The following PRAMEF14 variants were observed in gnomAD, a reference collection of about 807,000 sequenced individuals.
PRAMEF14 encodes PRAME family member 14.
A neutral mutation model predicts 38.3 loss-of-function variants in PRAMEF14; 24 were observed. The observed-to-expected ratio is 0.63, with a 90% CI of 0.45 to 0.88. The LOEUF is 0.88. PRAMEF14 is among the 40% of genes least tolerant of loss of function. PRAMEF14 has a pLI of 0.00. For missense variants in PRAMEF14, 477 were observed against 570.8 expected (o/e 0.84, Z 1.67); for synonymous variants, 194 against 226.4 (o/e 0.86, Z 1.29).
At position 13,345,235 on chromosome 1, in the gene PRAMEF14, G is replaced by A. The variant is rs1214224666; in HGVS notation, c.80C>T (p.Ala27Val). Residue 27 changes from alanine (A) to valine (V), a missense_variant, in exon 2 of 4, where the codon GCC (alanine) becomes GTC (valine). Physicochemically the swap from Ala to Val is moderately conservative, Grantham distance 64. Around this residue, in one of 4 missense-constraint regions of PRAMEF14, gnomAD observed 58 missense variants for 119.9 expected, o/e 0.48. Transcript: ENST00000334600. ...GAGCACCCTGGGCAGCTCCTCCATG[G>A]CAGAGATGGACAAGGCCTGGTCTCT... ...LLRDQALSIS[A>V]MEELPRVLYL... 5.0e-5 allele frequency: 80 copies of A among 1,606,940 alleles called. No individual in the cohort carries two copies. The highest frequency in any genetic ancestry group is 6.3e-5 in the Non-Finnish European group (74 of 1,178,458).
chr1:13,342,580 G>T lies in PRAMEF14; in HGVS notation c.1373C>A (p.Pro458His). 1 of 1,604,778 alleles carries T rather than the reference G, an allele frequency of 6.2e-7. No individual in the cohort carries two copies. The highest frequency in any genetic ancestry group is 8.5e-7 in the Non-Finnish European group (1 of 1,177,534). ...CTCAGACGGTGATGAGCCACAGGAAGGGCAGGGGGTGGGACCAATGAAGAT... is the reference window on the plus strand; with the variant it reads ...CTCAGACGGTGATGAGCCACAGGAATGGCAGGGGGTGGGACCAATGAAGAT... ...KRIFIGPTPC[P>H]SCGSSPSEEL... Residue 458 changes from proline (P) to histidine (H), a missense_variant, in exon 4 of 4, where the codon CCT becomes CAT. By Grantham distance (77) the Pro-to-His change is moderately conservative. Transcript: ENST00000334600.
chr1:13,343,547 T>G (rs1640360228), intron 3 of PRAMEF14: 1 of 1,310,514 alleles, frequency 7.6e-7, no homozygotes. Context: ...AGCACACATT[T>G]CCCATGTCAG....
At position 13,342,375 on chromosome 1, in the gene PRAMEF14, G is replaced by C. The variant is rs1422409850; in HGVS notation, c.*153C>G. ...TCCCAGAGCAACACAGAGAAACCCT[G>C]TCTCAAATTGTCTTTAATAAAAATT... On this transcript the variant is annotated 3_prime_UTR_variant, in exon 4 of 4. Transcript: ENST00000334600. 1 of 1,284,068 alleles carries C rather than the reference G, an allele frequency of 7.8e-7. No individual in the cohort carries two copies. The highest frequency in any genetic ancestry group is 1.0e-6 in the Non-Finnish European group (1 of 958,028). 79.5% of individuals were successfully genotyped at this position (1,284,068 alleles called of 1,614,324 possible).
At chr1:13,344,692 A>G in intron 2 of PRAMEF14, 76 bp from the exon 3 acceptor site, 2 of 1,588,058 alleles carry the variant, frequency 1.3e-6, no homozygotes, top group Non-Finnish European at 1.7e-6. Context: ...CTCATCCCAT[A>G]AATCAGCTGC....
intron 2 of PRAMEF14, 69 bp downstream of exon 2, chr1:13,344,959 C>G: frequency 2.9e-6 from 4 of 1,393,560 alleles, no homozygotes; most frequent in Non-Finnish European, 4.0e-6. Context: ...GGCTACTTCT[C>G]TGCCTGACCC....
At position 13,342,523 on chromosome 1, in the gene PRAMEF14, C is replaced by T. The variant is rs1311265192; in HGVS notation, c.*5G>A. The T allele has an allele frequency of 6.2e-7, 1 of 1,604,834 alleles. No homozygotes were observed. On this transcript the variant is annotated 3_prime_UTR_variant, in exon 4 of 4. Coordinates refer to ENST00000334600, the MANE Select transcript of PRAMEF14 (RefSeq NM_001024661.2). ...GATTTCTCTACCCCGCTAGGCACGC[C>T]TTCCCTAGCAGCAAAGATGGAGCTC...
chr1:13,345,137 G>A lies in PRAMEF14; in HGVS notation c.178C>T (p.Pro60Ser). ...GATCCCAGAGGGAGGCAGGTGAAGG[G>A]CCAGGCCTGCACCATCACCGTCAGA... The part of the protein sequence containing the change: ...QTLTVMVQAW[P>S]FTCLPLGSLM... The change falls in exon 2 of 4, where the codon CCC becomes TCC. Residue 60 changes from proline to serine, a missense_variant. Pro to Ser is a moderately conservative substitution (Grantham distance 74, BLOSUM62 -1). Coordinates refer to ENST00000334600, the MANE Select transcript of PRAMEF14 (RefSeq NM_001024661.2). 1 of 1,599,896 alleles carries A rather than the reference G, an allele frequency of 6.3e-7. No homozygotes were observed. The highest frequency in any genetic ancestry group is 8.5e-7 in the Non-Finnish European group (1 of 1,173,138).
intron 3 of PRAMEF14, among the ~76,000 whole-genome samples, chr1:13,343,289 G>C (rs1640356032): frequency 6.8e-6 from 1 of 147,668 alleles, no homozygotes; most frequent in Admixed American, 6.7e-5. Flanking sequence ...AACATTGCTT[G>C]TGTGATTGGT....
In PRAMEF14 at chr1:13,344,030, T is replaced by A. The variant is rs1183206932; in HGVS notation, c.866+8A>T. Reference sequence around the variant, plus strand: ...GGTCTGCATATAAAGTGCATGATCCTTCCTCACCTGATCAGCTGTTCCAGG... The same window carrying A: ...GGTCTGCATATAAAGTGCATGATCCATCCTCACCTGATCAGCTGTTCCAGG... On this transcript the variant is annotated splice_region_variant and intron_variant, in intron 3 of 3. Coordinates refer to ENST00000334600, the MANE Select transcript of PRAMEF14 (RefSeq NM_001024661.2). 6 of 1,608,344 alleles carry A rather than the reference T, an allele frequency of 3.7e-6. No individual in the cohort carries two copies. Among genetic ancestry groups the A allele is most frequent in the Admixed American group, 1.7e-5 (1 of 59,852 alleles).
chr1:13,346,709 G>A (rs1473187282), intron 1 of PRAMEF14, among the ~76,000 whole-genome samples: 1 of 148,490 alleles, frequency 6.7e-6, no homozygotes, highest in Non-Finnish European at 1.5e-5. Context: ...GAAAATGAAA[G>A]CATACTTGGA....
chr1:13,342,659 G>C lies in PRAMEF14; in HGVS notation c.1294C>G (p.Leu432Val), dbSNP rs547328194. 3.7e-6 allele frequency: 6 copies of C among 1,605,204 alleles called. No individual in the cohort carries two copies. The highest frequency in any genetic ancestry group is 1.3e-5 in the African/African-American group (1 of 74,724). Residue 432 changes from leucine to valine, a missense_variant, in exon 4 of 4, where the codon CTA becomes GTA. Leu to Val is a conservative substitution (Grantham distance 32, BLOSUM62 1). Transcript: ENST00000334600. Reference protein sequence around the residue: ...LVRVDWEIFALLRAELMCTLR... With the variant: ...LVRVDWEIFAVLRAELMCTLR... Reference sequence around the variant, plus strand: ...GTACACATCAGCTCAGCCCGAAGTAGGGCGAAGATCTCCCAATCGACACGA... The same window carrying C: ...GTACACATCAGCTCAGCCCGAAGTACGGCGAAGATCTCCCAATCGACACGA...
At chr1:13,343,184 T>C in intron 3 of PRAMEF14, 98 bp from the exon 4 acceptor site, 1 of 681,242 alleles carries the variant, frequency 1.5e-6, no homozygotes. Flanking sequence ...AACACAAGTT[T>C]GTTCCCACCA....
In PRAMEF14 at chr1:13,344,184, G is replaced by A; in HGVS notation, c.720C>T (p.Ser240=). The A allele has an allele frequency of 4.4e-6, 7 of 1,607,850 alleles. No individual in the cohort carries two copies. The highest frequency in any genetic ancestry group is 5.9e-6 in the Non-Finnish European group (7 of 1,178,054). The change falls in exon 3 of 4, where the codon TCC becomes TCT. Residue 240 remains serine (S), a synonymous_variant. Coordinates refer to ENST00000334600, the MANE Select transcript of PRAMEF14 (RefSeq NM_001024661.2). ...EMKNLRKLVF[S]RCHHSMSDNE... is the part of the protein sequence containing the mutation. Reference sequence around the variant, plus strand: ...TATCTGACATGGAATGATGGCACCTGGAGAAAACGAGTTTGCGAAGATTCT... The same window carrying A: ...TATCTGACATGGAATGATGGCACCTAGAGAAAACGAGTTTGCGAAGATTCT...
rs2100349418 is a variant in PRAMEF14, at chr1:13,342,388, T to C, written c.*140A>G. The C allele has an allele frequency of 1.5e-6, 2 of 1,352,774 alleles. No homozygotes were observed. The highest frequency in any genetic ancestry group is 3.2e-5 in the South Asian group (2 of 62,104). 83.8% of individuals were successfully genotyped at this position (1,352,774 alleles called of 1,614,324 possible). ...CAGAGAAACCCTGTCTCAAATTGTC[T>C]TTAATAAAAATTTTGGAATTATTAA... On this transcript the variant is annotated 3_prime_UTR_variant, in exon 4 of 4. Coordinates refer to ENST00000334600, the MANE Select transcript of PRAMEF14 (RefSeq NM_001024661.2).
chr1:13,342,255 G>T lies in PRAMEF14; in HGVS notation c.*273C>A, dbSNP rs1209125394. The T allele has an allele frequency of 1.9e-6, 1 of 532,848 alleles. No individual in the cohort carries two copies. Among genetic ancestry groups the T allele is most frequent in the Non-Finnish European group, 3.2e-6 (1 of 316,582 alleles). The allele number at this position is 532,848 out of a possible 1,614,324, so 33.0% of individuals were successfully genotyped here. ...CACTTCCCTGTGCTTCCTTTAAGTT[G>T]CATGTGGCCTGGACACAGTCACTCA... On this transcript the variant is annotated 3_prime_UTR_variant, in exon 4 of 4. Coordinates refer to ENST00000334600, the MANE Select transcript of PRAMEF14 (RefSeq NM_001024661.2).
In PRAMEF14 at chr1:13,342,742, A is replaced by C; in HGVS notation, c.1211T>G (p.Leu404Arg). 1.2e-6 allele frequency: 2 copies of C among 1,604,252 alleles called. No homozygotes were observed. Among genetic ancestry groups the C allele is most frequent in the African/African-American group, 1.3e-5 (1 of 74,762 alleles). ...ATACGTCTCCAGGCTTAACTTGCTC[A>C]GCCCACTGGTGTGGCACAACAGGTC... ...LKDLLCHTSG[L>R]SKLSLETYPA... Residue 404 changes from leucine to arginine, a missense_variant, in exon 4 of 4, where the codon CTG becomes CGG. Around this residue, in one of 4 missense-constraint regions of PRAMEF14, gnomAD observed 151 missense variants for 137.4 expected, o/e 1.10. Transcript: ENST00000334600.
rs1640347854 is a variant in PRAMEF14 at position 13,342,834 on chromosome 1, C to T, written c.1119G>A (p.Leu373=). 3 of 1,608,462 alleles carry T rather than the reference C, an allele frequency of 1.9e-6. No individual in the cohort carries two copies. Among genetic ancestry groups the T allele is most frequent in the Non-Finnish European group, 2.5e-6 (3 of 1,179,184 alleles). ...AGGTGGTGAGCTGGGAGCAGTGGCTCAGGCCAGGCAGGATGGCACTGAGTT... is the reference window on the plus strand; with the variant it reads ...AGGTGGTGAGCTGGGAGCAGTGGCTTAGGCCAGGCAGGATGGCACTGAGTT... The part of the protein sequence containing the change: ...YSQLSAILPG[L]SHCSQLTTFY... Residue 373 remains leucine, a synonymous_variant, in exon 4 of 4, where the codon CTG becomes CTA. Transcript: ENST00000334600.
rs1204753901 is a variant in PRAMEF14, at chr1:13,342,745, C to A, written c.1208G>T (p.Gly403Val). 5.0e-6 allele frequency: 8 copies of A among 1,603,838 alleles called. No individual in the cohort carries two copies. In the African/African-American group the frequency reaches 1.1e-4, roughly 22 times the overall value. The change falls in exon 4 of 4, where the codon GGG becomes GTG. Residue 403 changes from glycine to valine, a missense_variant. By Grantham distance (109) the Gly-to-Val change is moderately radical (BLOSUM62 -3). This residue lies in a region of PRAMEF14 where 151 missense variants were observed against 137.4 expected (regional missense o/e 1.10). Coordinates refer to ENST00000334600, the MANE Select transcript of PRAMEF14 (RefSeq NM_001024661.2). ...CGTCTCCAGGCTTAACTTGCTCAGCCCACTGGTGTGGCACAACAGGTCCTT... is the reference window on the plus strand; with the variant it reads ...CGTCTCCAGGCTTAACTTGCTCAGCACACTGGTGTGGCACAACAGGTCCTT... ...ALKDLLCHTSGLSKLSLETYP... is the reference protein window; with the variant it reads ...ALKDLLCHTSVLSKLSLETYP...
At position 13,342,209 on chromosome 1, in the gene PRAMEF14, G is replaced by T; in HGVS notation, c.*319C>A. The T allele has an allele frequency of 2.5e-6, 1 of 406,154 alleles. No individual in the cohort carries two copies. The highest frequency in any genetic ancestry group is 4.3e-6 in the Non-Finnish European group (1 of 231,814). The allele number at this position is 406,154 out of a possible 1,614,324, so 25.2% of individuals were successfully genotyped here. The stretch of plus-strand genomic sequence containing the variant: ...CTCCAGCCTTGCCCCCTGCTGTTAT[G>T]TTTTTTTCCCTCACACTGAGCACTT... On this transcript the variant is annotated 3_prime_UTR_variant, in exon 4 of 4. Transcript: ENST00000334600.
Sources: gnomAD v4.1 joint callset for allele counts (sites outside exome capture counted in the v4.1 genomes callset) on GRCh38, gnomAD v4.1.1 for gene constraint, gnomAD v4.1.1 regional missense constraint, MANE v1.5 for transcripts, NCBI Gene and HGNC (gene_info 2026-07-23, HGNC 2026-07-21) for gene names.